CDKN2B-AS1: variants seen among roughly 807,000 people sequenced by gnomAD.
CDKN2B-AS1 encodes the protein CDKN2B and CDKN2A antisense cis and trans regulatory RNA 1.
At chr9:22,037,082 C>A (rs1243223924) in intron 1 of CDKN2B-AS1, among the ~76,000 whole-genome samples, 1 of 151,966 alleles carries the variant, frequency 6.6e-6, no homozygotes, top group Non-Finnish European at 1.5e-5. Flanking sequence ...TCATGCATGC[C>A]TTATTCATAT....
At chr9:22,094,727 A>T (rs1248872977) in intron 4 of CDKN2B-AS1, among the ~76,000 whole-genome samples, 1 of 143,526 alleles carries the variant, frequency 7.0e-6, no homozygotes, top group Non-Finnish European at 1.5e-5. Flanking sequence ...ATTTTTTTTC[A>T]AGGTTTTTAA....
intron 1 of CDKN2B-AS1, among the ~76,000 whole-genome samples, chr9:22,036,050 A>G (rs1822675717): frequency 6.6e-6 from 1 of 152,022 alleles, no homozygotes; most frequent in African/African-American, 2.4e-5. Context: ...TATTTTCTTG[A>G]GCCCCGTTTT....
intron 4 of CDKN2B-AS1, among the ~76,000 whole-genome samples, chr9:22,064,174 G>A (rs768173075): frequency 4.6e-5 from 7 of 152,108 alleles, no homozygotes; most frequent in Non-Finnish European, 1.0e-4. Flanking sequence ...TTGGAGTTTG[G>A]GGGGAGAAGA....
At chr9:22,038,310 C>G (rs1822770343) in intron 1 of CDKN2B-AS1, among the ~76,000 whole-genome samples, 1 of 151,634 alleles carries the variant, frequency 6.6e-6, no homozygotes, top group Admixed American at 6.6e-5. Context: ...CAACTTTTCT[C>G]CAATTTCTTT....
At chr9:22,066,491 A>G (rs1824047092) in intron 4 of CDKN2B-AS1, 2 of 152,082 alleles carry the variant, frequency 1.3e-5, no homozygotes, top group South Asian at 4.2e-4. Flanking sequence ...CACTGCACTA[A>G]GCCAAAAACT....
intron 1 of CDKN2B-AS1, among the ~76,000 whole-genome samples, chr9:21,998,568 A>G (rs1251245369): frequency 6.6e-6 from 1 of 152,210 alleles, no homozygotes; most frequent in African/African-American, 2.4e-5. Flanking sequence ...TGCAGACAGA[A>G]TCACTGAATA....
chr9:22,009,506 T>C (rs920598440), intron 1 of CDKN2B-AS1: 1 of 238,464 alleles, frequency 4.2e-6, no homozygotes, highest in Admixed American at 5.2e-5. Context: ...CCAGGAATGC[T>C]GGCTGCACTG....
At chr9:22,017,412 A>G (rs909680162) in intron 1 of CDKN2B-AS1, among the ~76,000 whole-genome samples, 1 of 152,218 alleles carries the variant, frequency 6.6e-6, no homozygotes. Flanking sequence ...CCCGTTTCAC[A>G]CAAACCCAAC....
intron 4 of CDKN2B-AS1, among the ~76,000 whole-genome samples, chr9:22,091,098 G>T (rs963198726): frequency 5.9e-5 from 9 of 152,234 alleles, no homozygotes; most frequent in East Asian, 3.9e-4. Flanking sequence ...TTTCCCCATT[G>T]CTTGTTTTTA....
At chr9:22,076,533 T>G (rs1312297323) in intron 4 of CDKN2B-AS1, among the ~76,000 whole-genome samples, 1 of 152,156 alleles carries the variant, frequency 6.6e-6, no homozygotes, top group Non-Finnish European at 1.5e-5. Flanking sequence ...TACAACACGG[T>G]GCTATGGGTA....
At position 22,112,552 on chromosome 9, in the gene CDKN2B-AS1, G is replaced by T. The variant is rs72654239; in HGVS notation, n.439-14551G>T. ...CATGGATATTTTCTTGGAATCACTTGGTTTGACTGGGAGAAGACCATTCTC... is the reference window on the plus strand; with the variant it reads ...CATGGATATTTTCTTGGAATCACTTTGTTTGACTGGGAGAAGACCATTCTC... On this transcript the variant is annotated intron_variant and non_coding_transcript_variant, in intron 4 of 4. Coordinates refer to ENST00000650946, the Ensembl canonical transcript of CDKN2B-AS1. Among the ~76,000 whole-genome samples, 447 of 152,240 alleles carry T rather than the reference G, an allele frequency of 2.9e-3. 1 individual carries two copies. The highest frequency in any genetic ancestry group is 5.2e-3 in the Non-Finnish European group (352 of 68,024).
At chr9:22,034,428 A>T (rs1822602045) in intron 1 of CDKN2B-AS1, among the ~76,000 whole-genome samples, 1 of 152,122 alleles carries the variant, frequency 6.6e-6, no homozygotes, top group Admixed American at 6.6e-5. Flanking sequence ...TCCTGGGAGA[A>T]ATTGAGGTGA....
chr9:22,014,041 G>C (rs1472621111), intron 1 of CDKN2B-AS1, among the ~76,000 whole-genome samples: 1 of 152,052 alleles, frequency 6.6e-6, no homozygotes, highest in African/African-American at 2.4e-5. Flanking sequence ...CTCTTTCTGT[G>C]ATTCTAGCAG....
At position 22,000,568 on chromosome 9, in the gene CDKN2B-AS1, G is replaced by C. The variant is rs1043738989; in HGVS notation, n.29+5407G>C. Among the ~76,000 whole-genome samples the C allele has an allele frequency of 3.9e-5, 6 of 152,056 alleles. No homozygotes were observed. Among genetic ancestry groups the C allele is most frequent in the Non-Finnish European group, 7.4e-5 (5 of 67,994 alleles). On this transcript the variant is annotated intron_variant and non_coding_transcript_variant, in intron 1 of 4. Coordinates refer to ENST00000650946, the Ensembl canonical transcript of CDKN2B-AS1. The surrounding 1 kb of genome is among the most constrained non-coding windows in gnomAD (Gnocchi z 4.1). ...TCTGTGCCCTAGGAAAGGTGATAGA[G>C]CTTAGAAACTCAGAACTCAGATGGA...
Position 22,005,818 on chromosome 9 carries a change from A to G in CDKN2B-AS1, n.29+10657A>G. The G allele has an allele frequency of 1.2e-6, 1 of 818,440 alleles. No homozygotes were observed. Among genetic ancestry groups the G allele is most frequent in the Non-Finnish European group, 1.9e-6 (1 of 515,760 alleles). 50.7% of individuals were successfully genotyped at this position (818,440 alleles called of 1,614,324 possible). On this transcript the variant is annotated intron_variant and non_coding_transcript_variant, in intron 1 of 4. Transcript: ENST00000650946. The surrounding 1 kb of genome is among the most constrained non-coding windows in gnomAD (Gnocchi z 4.9). ...CCAGATAAGACAAAGAAAAAAATGT[A>G]TGGAAGGTTATTCCCGGTCGGCTCC...
intron 4 of CDKN2B-AS1, among the ~76,000 whole-genome samples, chr9:22,122,260 T>C (rs992533008): frequency 5.9e-5 from 9 of 152,084 alleles, no homozygotes; most frequent in African/African-American, 2.2e-4. Context: ...GTTTTTACTG[T>C]TGAGATGTTT....
intron 1 of CDKN2B-AS1, among the ~76,000 whole-genome samples, chr9:22,027,101 T>G (rs1039513287): frequency 6.6e-6 from 1 of 151,946 alleles, no homozygotes; most frequent in East Asian, 1.9e-4. Context: ...CCCCTTTCTT[T>G]CCGCCCTGTG....
chr9:22,105,158 T>A (rs752039737), intron 4 of CDKN2B-AS1, among the ~76,000 whole-genome samples: 16 of 152,214 alleles, frequency 1.1e-4, no homozygotes, highest in Non-Finnish European at 2.1e-4. Context: ...TGAGGGTATG[T>A]GTATACTGGC....
At chr9:22,103,368 G>A (rs1279509813) in intron 4 of CDKN2B-AS1, among the ~76,000 whole-genome samples, 1 of 152,140 alleles carries the variant, frequency 6.6e-6, no homozygotes, top group Non-Finnish European at 1.5e-5. Context: ...CCAGCCAGGA[G>A]GTTGGTCAGA....
Sources: gnomAD v4.1 joint callset for allele counts (sites outside exome capture counted in the v4.1 genomes callset) on GRCh38, gnomAD v4.1.1 for gene constraint, Gnocchi (gnomAD v3.1) non-coding constraint, MANE v1.5 for transcripts, NCBI Gene and HGNC (gene_info 2026-07-23, HGNC 2026-07-21) for gene names.